CELF2: variants seen among roughly 807,000 people sequenced by gnomAD.
CELF2 encodes CUGBP Elav-like family member 2, also known as CUG triplet repeat RNA-binding protein 2.
CELF2 carries 8 observed loss-of-function variants against 62.6 expected under a neutral mutation model. The observed-to-expected ratio is 0.13, with a 90% CI of 0.07 to 0.23. The LOEUF is 0.23. Ranked by LOEUF, CELF2 falls within the 10% of genes least tolerant of loss-of-function variation. The probability of loss-of-function intolerance (pLI) is 1.00; values close to 1 mark genes in which losing one functional copy is unlikely to be tolerated. For synonymous variants in CELF2, 258 were observed against 250.0 expected (o/e 1.03, Z -0.30); for missense variants, 333 against 671.0 (o/e 0.50, Z 5.56).
Position 11,265,455 on chromosome 10 carries a change from A to G in CELF2, c.539-1143A>G, listed in dbSNP as rs147439214. The stretch of plus-strand genomic sequence containing the variant: ...GCAAGGCTAAAGAAGCTGAAAATCA[A>G]TGCACTTTTAAAGTCATTAGAGATC... On this transcript the variant is annotated intron_variant, in intron 5 of 12. Transcript: ENST00000633077. Among the ~76,000 whole-genome samples, 193 of 152,360 alleles carry G rather than the reference A, an allele frequency of 1.3e-3. 3 individuals are homozygous for G. The highest frequency in any genetic ancestry group is 4.2e-3 in the African/African-American group (173 of 41,588).
the CELF2 span, among the ~76,000 whole-genome samples, chr10:10,671,333 A>G: frequency 4.6e-5 from 7 of 152,190 alleles, no homozygotes; most frequent in East Asian, 9.6e-4. Flanking sequence ...TTATTTATCC[A>G]TTCACCTACT....
At chr10:10,469,426 T>C in the CELF2 span, among the ~76,000 whole-genome samples, 1 of 152,042 alleles carries the variant, frequency 6.6e-6, no homozygotes, top group South Asian at 2.1e-4. Context: ...CTGTAGAGAA[T>C]GAGGTATTTT....
chr10:10,624,035 C>G, the CELF2 span, among the ~76,000 whole-genome samples: 5,477 of 152,252 alleles, frequency 0.036, 223 homozygotes, highest in African/African-American at 0.1. Flanking sequence ...ATTGACTCTT[C>G]TGCTCTTGTC....
At chr10:10,480,333 G>C in the CELF2 span, among the ~76,000 whole-genome samples, 2 of 152,128 alleles carry the variant, frequency 1.3e-5, no homozygotes, top group African/African-American at 4.8e-5. Flanking sequence ...CCTTAACTTA[G>C]CATAATAACC....
intron 2 of CELF2, among the ~76,000 whole-genome samples, chr10:10,982,579 C>T (rs1295924691): frequency 6.6e-6 from 1 of 152,186 alleles, no homozygotes; most frequent in African/African-American, 2.4e-5. Context: ...GGAATGAGGT[C>T]CAGGAAAGAG....
chr10:10,998,321 C>G (rs2054178741), intron 2 of CELF2, among the ~76,000 whole-genome samples: 1 of 152,204 alleles, frequency 6.6e-6, no homozygotes, highest in African/African-American at 2.4e-5. Context: ...CTACTCTCTG[C>G]CTTGTCTCCA....
chr10:11,027,494 C>T (rs1314651119), intron 1 of CELF2, among the ~76,000 whole-genome samples: 9 of 152,098 alleles, frequency 5.9e-5, no homozygotes, highest in South Asian at 2.1e-4. Flanking sequence ...ATCTTCACCT[C>T]GGTTGAGTAC....
At position 10,930,190 on chromosome 10, in the gene CELF2, G is replaced by A. The variant is rs573422544; in HGVS notation, c.89+10191G>A. ...TTAGAATATTGTTAAGTTACTCACTGTGTGACCTATTTAGACTTCTCAGAT... is the reference window on the plus strand; with the variant it reads ...TTAGAATATTGTTAAGTTACTCACTATGTGACCTATTTAGACTTCTCAGAT... On this transcript the variant is annotated intron_variant, in intron 2 of 13. Transcript: ENST00000636488. 2.6e-5 allele frequency among the ~76,000 whole-genome samples: 4 copies of A among 152,306 alleles called. No homozygotes were observed. The South Asian group carries it at 8.3e-4, about 32-fold the overall frequency.
the CELF2 span, among the ~76,000 whole-genome samples, chr10:10,619,454 C>T: frequency 2.0e-5 from 3 of 152,316 alleles, no homozygotes; most frequent in South Asian, 2.1e-4. Flanking sequence ...CAGAACAGCT[C>T]GTACATTCAT....
At chr10:10,725,275 G>A in the CELF2 span, among the ~76,000 whole-genome samples, 1 of 152,188 alleles carries the variant, frequency 6.6e-6, no homozygotes, top group East Asian at 1.9e-4. Flanking sequence ...CTCTATTCAG[G>A]GTGTTCTTTC....
At chr10:10,677,179 A>T in the CELF2 span, among the ~76,000 whole-genome samples, 4 of 152,234 alleles carry the variant, frequency 2.6e-5, no homozygotes, top group African/African-American at 9.6e-5. Context: ...CAGGATGTTA[A>T]TAAAATACTT....
the CELF2 span, among the ~76,000 whole-genome samples, chr10:10,539,880 G>A: frequency 6.6e-6 from 1 of 152,218 alleles, no homozygotes; most frequent in African/African-American, 2.4e-5. Context: ...TAAGCCAGGT[G>A]GCATAGGGCA....
chr10:10,564,548 C>T, the CELF2 span, among the ~76,000 whole-genome samples: 2 of 151,702 alleles, frequency 1.3e-5, no homozygotes, highest in African/African-American at 2.4e-5. Flanking sequence ...TGTTGATGAC[C>T]ATTTTCATCA....
At chr10:10,727,409 G>A in the CELF2 span, among the ~76,000 whole-genome samples, 2 of 151,990 alleles carry the variant, frequency 1.3e-5, no homozygotes, top group Admixed American at 6.6e-5. Flanking sequence ...ATATTGATAC[G>A]GAACTAAACT....
intron 1 of CELF2, among the ~76,000 whole-genome samples, chr10:11,044,856 A>G (rs1415279549): frequency 1.3e-5 from 2 of 152,248 alleles, no homozygotes. Context: ...CACAATACCA[A>G]AAGGGATATT....
chr10:10,584,728 A>C, the CELF2 span, among the ~76,000 whole-genome samples: 1 of 152,216 alleles, frequency 6.6e-6, no homozygotes, highest in Non-Finnish European at 1.5e-5. Flanking sequence ...GTTATCTAAT[A>C]TAACTTTCTG....
At chr10:11,289,774 A>C (rs1371956479) in intron 9 of CELF2, among the ~76,000 whole-genome samples, 1 of 152,228 alleles carries the variant, frequency 6.6e-6, no homozygotes, top group African/African-American at 2.4e-5. Context: ...AAGTTAAGTG[A>C]TAGCTTCAGT....
chr10:11,131,665 A>G (rs2059644399), intron 1 of CELF2, among the ~76,000 whole-genome samples: 1 of 152,264 alleles, frequency 6.6e-6, no homozygotes, highest in Non-Finnish European at 1.5e-5. Flanking sequence ...ATGTTGTGGC[A>G]GTAGCCATGG....
rs771546919 is a variant in CELF2, at chr10:11,026,380, C to T, written c.74+8217C>T. 1.0e-3 allele frequency among the ~76,000 whole-genome samples: 152 copies of T among 152,150 alleles called. 1 individual carries two copies. Among genetic ancestry groups the T allele is most frequent in the Non-Finnish European group, 4.4e-4 (30 of 68,020 alleles). On this transcript the variant is annotated intron_variant, in intron 1 of 12. Transcript: ENST00000633077. ...CCAACTTAAATACCTACCCGCCTCCCCCGCCACACACACCCAGGTGTTTTC... is the reference window on the plus strand; with the variant it reads ...CCAACTTAAATACCTACCCGCCTCCTCCGCCACACACACCCAGGTGTTTTC...
Sources: allele counts gnomAD v4.1 joint callset (sites outside exome capture counted in the v4.1 genomes callset), GRCh38; gene constraint gnomAD v4.1.1; transcripts MANE v1.5; gene names NCBI Gene and HGNC (gene_info 2026-07-23, HGNC 2026-07-21).